Variants in ZNF860 observed in about 807,000 individuals in gnomAD.
The protein encoded by ZNF860 is zinc finger protein 860.
For synonymous variants in ZNF860, 206 were observed against 248.9 expected (o/e 0.83, Z 1.62); for missense variants, 641 against 759.2 (o/e 0.84, Z 1.83).
chr3:31,990,703 G>T lies in ZNF860; in HGVS notation c.1624G>T (p.Glu542Ter), dbSNP rs766224466. The change falls in exon 2 of 2, where the codon GAA (glutamate) becomes TAA (stop). Residue 542 changes from glutamate to a stop codon, truncating the protein, a stop_gained. Transcript: ENST00000360311. LOFTEE classifies it low-confidence loss of function (END_TRUNC). The stretch of plus-strand genomic sequence containing the variant: ...TGGAGAGAAACCTTACAAATGTGAA[G>T]AATGTGACACAGTTTTCAGTCGCAA... ...HTGEKPYKCE[E>*]CDTVFSRKSH... 7 of 1,614,120 alleles carry T rather than the reference G, an allele frequency of 4.3e-6. No individual in the cohort carries two copies. Among genetic ancestry groups the T allele is most frequent in the Non-Finnish European group, 5.1e-6 (6 of 1,179,976 alleles).
At chr3:32,000,820 G>T in the ZNF860 span, among the ~76,000 whole-genome samples, 1 of 152,092 alleles carries the variant, frequency 6.6e-6, no homozygotes, top group Non-Finnish European at 1.5e-5. Context: ...CCGGCCATGC[G>T]GTTCACATGG....
chr3:31,993,681 TACAC>T (rs139678560), downstream of ZNF860, among the ~76,000 whole-genome samples: 727 of 147,288 alleles, frequency 4.9e-3, 5 homozygotes, highest in African/African-American at 0.017. Flanking sequence ...TACACACACA[TACAC>T]ACACACACAC....
At position 31,989,425 on chromosome 3, in the gene ZNF860, T is replaced by G; in HGVS notation, c.346T>G (p.Trp116Gly). 1 of 1,614,172 alleles carries G rather than the reference T, an allele frequency of 6.2e-7. No homozygotes were observed. Among genetic ancestry groups the G allele is most frequent in the Non-Finnish European group, 8.5e-7 (1 of 1,180,028 alleles). Residue 116 changes from tryptophan to glycine, a missense_variant, in exon 2 of 2, where the codon TGG (tryptophan) becomes GGG (glycine). Transcript: ENST00000360311. ...AGATATTCATGACTTTGAGTTTCAA[T>G]GGCAAGAAGACAAAAGAAATAGCCA... Reference protein sequence around the residue: ...GKDIHDFEFQWQEDKRNSHEA... With the variant: ...GKDIHDFEFQGQEDKRNSHEA...
chr3:31,985,238 C>CA (rs1402902842), intron 1 of ZNF860, among the ~76,000 whole-genome samples: 1 of 152,062 alleles, frequency 6.6e-6, no homozygotes, highest in African/African-American at 2.4e-5. Context: ...GACTCCATCT[C>CA]AAAAAATGTT....
chr3:31,989,700 T>C lies in ZNF860; in HGVS notation c.621T>C (p.Tyr207=). 6.2e-7 allele frequency: 1 copy of C among 1,613,954 alleles called. No individual in the cohort carries two copies. The highest frequency in any genetic ancestry group is 8.5e-7 in the Non-Finnish European group (1 of 1,179,962). The change falls in exon 2 of 2, where the codon TAT becomes TAC. Residue 207 remains tyrosine, a synonymous_variant. Transcript: ENST00000360311. ...CCAAAATCCATATTTCTAATAACTA[T>C]GAAAATAATTTCTTCCATTCATCAT... ...SRPKIHISNN[Y]ENNFFHSSLL...
At chr3:32,004,154 C>T in the ZNF860 span, among the ~76,000 whole-genome samples, 34 of 152,188 alleles carry the variant, frequency 2.2e-4, no homozygotes, top group African/African-American at 7.2e-4. Context: ...AAAAAATTAA[C>T]GAGTGTCCAT....
chr3:31,992,145 C>CAAA (rs527764918), downstream of ZNF860, among the ~76,000 whole-genome samples: 134 of 65,554 alleles, frequency 2.0e-3, 1 homozygote, highest in Middle Eastern at 0.01. Context: ...GACTCCATCT[C>CAAA]AAAAAAAAAA....
At chr3:31,993,301 C>T (rs944984552), downstream of ZNF860, among the ~76,000 whole-genome samples, 1 of 151,812 alleles carries the variant, frequency 6.6e-6, no homozygotes, top group Non-Finnish European at 1.5e-5. Flanking sequence ...CTTCCACCTC[C>T]CAGGTTCAAG....
chr3:31,990,446 G>T lies in ZNF860; in HGVS notation c.1367G>T (p.Cys456Phe), dbSNP rs745686518. The T allele has an allele frequency of 1.1e-5, 17 of 1,569,520 alleles. No homozygotes were observed. The East Asian group carries it at 1.3e-4, about 12-fold the overall frequency. The change falls in exon 2 of 2, where the codon TGT (cysteine) becomes TTT (phenylalanine). Residue 456 changes from cysteine to phenylalanine, a missense_variant. Transcript: ENST00000360311. ...CATACTGGAGAGAAACCTTACAAGT[G>T]TAATGAGTGTGGCAAGACCTTCCAT... is the stretch of plus-strand genomic sequence containing the variant. ...RTHTGEKPYK[C>F]NECGKTFHHN...
At chr3:31,999,985 T>C in the ZNF860 span, among the ~76,000 whole-genome samples, 1 of 152,144 alleles carries the variant, frequency 6.6e-6, no homozygotes, top group Non-Finnish European at 1.5e-5. Flanking sequence ...AAATATCTAG[T>C]GGTGCGGCCT....
the ZNF860 span, among the ~76,000 whole-genome samples, chr3:32,002,043 A>G: frequency 6.6e-6 from 1 of 152,342 alleles, no homozygotes; most frequent in Non-Finnish European, 1.5e-5. Context: ...GTTCAAACCC[A>G]GCTCTGACTC....
At chr3:31,988,404 TA>T (rs1339622008) in intron 1 of ZNF860, among the ~76,000 whole-genome samples, 4 of 152,142 alleles carry the variant, frequency 2.6e-5, no homozygotes, top group South Asian at 4.2e-4. Context: ...GGGAGGAATA[TA>T]AAAAAATTTG....
chr3:32,001,054 A>ATAAACAGGCAGAGT, the ZNF860 span, among the ~76,000 whole-genome samples: 1 of 152,134 alleles, frequency 6.6e-6, no homozygotes, highest in African/African-American at 2.4e-5. Flanking sequence ...AATCAAACTA[A>ATAAACAGGCAGAGT]TAAACAGGCA....
intron 1 of ZNF860, among the ~76,000 whole-genome samples, chr3:31,987,115 T>C (rs1054592844): frequency 6.6e-6 from 1 of 151,162 alleles, no homozygotes; most frequent in Non-Finnish European, 1.5e-5. Flanking sequence ...TGTATGTGTA[T>C]ACACACACAC....
At chr3:31,996,543 T>G (rs1441877210), downstream of ZNF860, among the ~76,000 whole-genome samples, 1 of 152,168 alleles carries the variant, frequency 6.6e-6, no homozygotes, top group East Asian at 1.9e-4. Flanking sequence ...TATCTTCAGA[T>G]TTAAGAATTG....
chr3:32,004,539 G>A, the ZNF860 span, among the ~76,000 whole-genome samples: 1 of 152,188 alleles, frequency 6.6e-6, no homozygotes, highest in Non-Finnish European at 1.5e-5. Context: ...CAAGATATCG[G>A]CTGGAGAACT....
intron 1 of ZNF860, among the ~76,000 whole-genome samples, chr3:31,982,601 A>C (rs148355041): frequency 1.3e-5 from 2 of 152,118 alleles, no homozygotes; most frequent in Non-Finnish European, 2.9e-5. Context: ...GTTGAAGAGA[A>C]GTGGTTGTGC....
chr3:31,992,992 G>A (rs1164825312), downstream of ZNF860, among the ~76,000 whole-genome samples: 1 of 152,020 alleles, frequency 6.6e-6, no homozygotes, highest in Non-Finnish European at 1.5e-5. Flanking sequence ...AATAGAGCAA[G>A]ACCCTGTCTC....
intron 1 of ZNF860, among the ~76,000 whole-genome samples, chr3:31,985,484 T>C (rs537589211): frequency 8.1e-4 from 124 of 152,312 alleles, no homozygotes; most frequent in Non-Finnish European, 1.4e-3. Flanking sequence ...TAGTTCCTAG[T>C]AGGGAGCTGA....
Sources: gnomAD v4.1 joint callset for allele counts (sites outside exome capture counted in the v4.1 genomes callset) on GRCh38, gnomAD v4.1.1 for gene constraint, MANE v1.5 for transcripts, NCBI Gene and HGNC (gene_info 2026-07-23, HGNC 2026-07-21) for gene names.